MCTP2: variants seen among roughly 807,000 people sequenced by gnomAD.
MCTP2 encodes multiple C2 and transmembrane domain-containing protein 2.
In MCTP2, 132 loss-of-function variants were observed where a neutral mutation model predicts 111.6. That is an observed-to-expected ratio of 1.18 (90% CI 1.03 to 1.37). The LOEUF (loss-of-function observed/expected upper bound fraction) is 1.37. MCTP2 is among the 40% of genes most tolerant of loss of function. The pLI is 0.00. For missense variants in MCTP2, 1,183 were observed against 1,067.9 expected (o/e 1.11, Z -1.50); for synonymous variants, 395 against 387.7 (o/e 1.02, Z -0.22).
chr15:94,287,315 T>C (rs1175562531), intron 1 of MCTP2, among the ~76,000 whole-genome samples: 1 of 152,110 alleles, frequency 6.6e-6, no homozygotes, highest in Non-Finnish European at 1.5e-5. Context: ...TATTTTGTTG[T>C]TTTATTCTGT....
rs1195481543 is a variant in MCTP2, at chr15:94,342,545, A to G, written c.969+1621A>G. 3.3e-5 allele frequency: 5 copies of G among 151,966 alleles called. No homozygotes were observed. The South Asian group carries it at 6.2e-4, about 19-fold the overall frequency. 9.4% of individuals were successfully genotyped at this position (151,966 alleles called of 1,614,324 possible). A position where few individuals can be genotyped will look rare whatever the true frequency, so the allele number is the denominator to read the frequency against. Reference sequence around the variant, plus strand: ...GTCTGGCAGAAGCCTAGTGTACACTATATTGATTATATATACACACACAAA... The same window carrying G: ...GTCTGGCAGAAGCCTAGTGTACACTGTATTGATTATATATACACACACAAA... On this transcript the variant is annotated intron_variant, in intron 7 of 22. Transcript: ENST00000357742.
chr15:94,266,060 A>G (rs1216905499), intron 1 of MCTP2, among the ~76,000 whole-genome samples: 1 of 128,602 alleles, frequency 7.8e-6, no homozygotes, highest in Non-Finnish European at 1.6e-5. Flanking sequence ...CTGTACACAT[A>G]CACGTGCATG....
intron 10 of MCTP2, among the ~76,000 whole-genome samples, chr15:94,361,544 A>G (rs2078944172): frequency 6.6e-6 from 1 of 152,108 alleles, no homozygotes; most frequent in East Asian, 1.9e-4. Flanking sequence ...TCTACTTGAC[A>G]CTGTTTATTC....
In MCTP2 at chr15:94,278,528, C is replaced by T. The variant is rs1440092637; in HGVS notation, c.-65-19673C>T. Among the ~76,000 whole-genome samples, 5 of 152,110 alleles carry T rather than the reference C, an allele frequency of 3.3e-5. No homozygotes were observed. In the East Asian group the frequency reaches 9.6e-4, roughly 29 times the overall value. On this transcript the variant is annotated intron_variant, in intron 1 of 22. Transcript: ENST00000357742. ...AAACTTTAGAGCTTTCCTAGAAAAA[C>T]ATATGATAATATATTTATGACCTTG...
At chr15:94,263,865 T>C (rs929637743) in intron 1 of MCTP2, among the ~76,000 whole-genome samples, 1 of 152,176 alleles carries the variant, frequency 6.6e-6, no homozygotes, top group African/African-American at 2.4e-5. Context: ...AGTTCACAAA[T>C]GAGAATCATC....
intron 2 of MCTP2, among the ~76,000 whole-genome samples, chr15:94,306,237 G>C (rs1422327836): frequency 6.6e-6 from 1 of 152,172 alleles, no homozygotes; most frequent in Non-Finnish European, 1.5e-5. Context: ...TGTCTGTGGG[G>C]CTAGAAAAAT....
intron 20 of MCTP2, among the ~76,000 whole-genome samples, chr15:94,467,947 T>A (rs1047980686): frequency 1.3e-5 from 2 of 152,206 alleles, no homozygotes; most frequent in African/African-American, 2.4e-5. Flanking sequence ...AAAATAGTGA[T>A]TAATCAGTTG....
At chr15:94,472,583 A>G (rs2074019223) in intron 21 of MCTP2, among the ~76,000 whole-genome samples, 1 of 152,196 alleles carries the variant, frequency 6.6e-6, no homozygotes, top group Non-Finnish European at 1.5e-5. Flanking sequence ...GGATAAAGTT[A>G]TTAAATGGTA....
chr15:94,361,997 T>A (rs1185222741), intron 10 of MCTP2, among the ~76,000 whole-genome samples: 1 of 152,118 alleles, frequency 6.6e-6, no homozygotes, highest in African/African-American at 2.4e-5. Context: ...TGACTTCCCC[T>A]TTTTCCATAG....
chr15:94,288,415 C>T (rs952636848), intron 1 of MCTP2, among the ~76,000 whole-genome samples: 1 of 152,180 alleles, frequency 6.6e-6, no homozygotes, highest in African/African-American at 2.4e-5. Flanking sequence ...GAACTCCACT[C>T]AAGTCCCAGA....
At chr15:94,418,914 T>G (rs2082495117) in intron 17 of MCTP2, among the ~76,000 whole-genome samples, 1 of 152,118 alleles carries the variant, frequency 6.6e-6, no homozygotes, top group Non-Finnish European at 1.5e-5. Context: ...ACTTCATGTC[T>G]AGAGCAACGG....
intron 17 of MCTP2, among the ~76,000 whole-genome samples, chr15:94,422,870 T>C (rs186686427): frequency 6.6e-6 from 1 of 152,204 alleles, no homozygotes; most frequent in Non-Finnish European, 1.5e-5. Context: ...TTTTCTTTTT[T>C]CTTCTGTAAA....
intron 1 of MCTP2, among the ~76,000 whole-genome samples, chr15:94,259,249 T>C (rs2073035989): frequency 6.6e-6 from 1 of 152,184 alleles, no homozygotes. Context: ...CTAAAGGTCC[T>C]GAATAAAGCT....
intron 4 of MCTP2, among the ~76,000 whole-genome samples, chr15:94,323,260 A>G (rs1224075505): frequency 6.6e-6 from 1 of 152,188 alleles, no homozygotes; most frequent in Non-Finnish European, 1.5e-5. Flanking sequence ...GTAATGTTGT[A>G]TAGTTGCCAC....
At chr15:94,343,685 T>A (rs371366160) in intron 7 of MCTP2, 1 of 152,186 alleles carries the variant, frequency 6.6e-6, no homozygotes, top group East Asian at 1.9e-4. Flanking sequence ...ACTGCCTGGG[T>A]CTGAATCCTA....
In MCTP2 at chr15:94,373,838, A is replaced by G. The variant is rs2079611430; in HGVS notation, c.1582+3658A>G. Reference sequence around the variant, plus strand: ...CAGTGTAACCTAACATTTTTAAGTAATAGGTGATGCAGCCTGATGTCATTA... The same window carrying G: ...CAGTGTAACCTAACATTTTTAAGTAGTAGGTGATGCAGCCTGATGTCATTA... On this transcript the variant is annotated intron_variant, in intron 12 of 22. Transcript: ENST00000357742. Among the ~76,000 whole-genome samples the G allele has an allele frequency of 2.0e-5, 3 of 152,300 alleles. No homozygotes were observed. The South Asian group carries it at 6.2e-4, about 32-fold the overall frequency.
At chr15:94,334,264 G>A (rs1211095641) in intron 4 of MCTP2, among the ~76,000 whole-genome samples, 1 of 152,162 alleles carries the variant, frequency 6.6e-6, no homozygotes, top group East Asian at 1.9e-4. Flanking sequence ...TAAGGAAGCT[G>A]AGTAAATGGC....
At chr15:94,256,748 G>A (rs1216364440) in intron 1 of MCTP2, among the ~76,000 whole-genome samples, 2 of 152,208 alleles carry the variant, frequency 1.3e-5, no homozygotes, top group African/African-American at 2.4e-5. Context: ...GAGATACGGT[G>A]TATAGTTTTG....
At chr15:94,261,917 T>G (rs1003138236) in intron 1 of MCTP2, among the ~76,000 whole-genome samples, 1 of 152,214 alleles carries the variant, frequency 6.6e-6, no homozygotes, top group Admixed American at 6.5e-5. Context: ...GAGGTTGTAT[T>G]ACTTTATTGG....
Sources: allele counts gnomAD v4.1 joint callset (sites outside exome capture counted in the v4.1 genomes callset), GRCh38; gene constraint gnomAD v4.1.1; transcripts MANE v1.5; gene names NCBI Gene and HGNC (gene_info 2026-07-23, HGNC 2026-07-21).